GPR89A: variants seen among roughly 807,000 people sequenced by gnomAD.
GPR89A encodes the protein golgi pH regulator A, also known as G protein-coupled receptor 89A.
GPR89A carries 16 observed loss-of-function variants against 52.0 expected under a neutral mutation model. The observed-to-expected ratio is 0.31, with a 90% confidence interval of 0.21 to 0.47. The LOEUF (loss-of-function observed/expected upper bound fraction) is 0.47. GPR89A is among the 20% of genes least tolerant of loss of function. The pLI is 1.00. For synonymous variants in GPR89A, 55 were observed against 150.9 expected, an observed-to-expected ratio of 0.36 and a Z score of 4.66; for missense variants, 135 against 449.4, an observed-to-expected ratio of 0.30 and a Z score of 6.33.
chr1:145,608,052 C>G lies in GPR89A; in HGVS notation c.-82C>G. On this transcript the variant is annotated 5_prime_UTR_variant, in exon 1 of 14. Transcript: ENST00000313835. ...CTGCAGCACCTGGGAGAAGGCAGAC[C>G]GTGTGAGGGGGCCTGTGGCCCCAGC... 1.9e-6 allele frequency: 3 copies of G among 1,549,292 alleles called. No individual in the cohort carries two copies. The highest frequency in any genetic ancestry group is 2.2e-5 in the South Asian group (2 of 89,106).
chr1:145,660,684 C>G (rs1387997456), intron 10 of GPR89A, among the ~76,000 whole-genome samples: 1 of 150,628 alleles, frequency 6.6e-6, no homozygotes, highest in South Asian at 2.1e-4. Context: ...ACTTTTATGC[C>G]GCCAAAAAAC....
chr1:145,655,336 T>C (rs1651742523), intron 10 of GPR89A, among the ~76,000 whole-genome samples: 1 of 151,822 alleles, frequency 6.6e-6, no homozygotes, highest in South Asian at 2.1e-4. Flanking sequence ...CCCAGTTCTG[T>C]GCCCTTGCTG....
rs587679472 is a variant in GPR89A at position 145,634,320 on chromosome 1, A to T, written c.617+2576A>T. 1.4e-4 allele frequency among the ~76,000 whole-genome samples: 21 copies of T among 152,176 alleles called. No individual in the cohort carries two copies. In the East Asian group the frequency reaches 3.9e-3, roughly 28 times the overall value. On this transcript the variant is annotated intron_variant, in intron 7 of 13. Transcript: ENST00000313835. ...GGTCTCAAACTCCTGACCTCAAGTG[A>T]TCTGCCCACCTTGGCCTCCCAAAGT...
In GPR89A at chr1:145,650,766, G is replaced by A. The variant is rs1381566331; in HGVS notation, c.909+3499G>A. ...ACTGAGCTTGAGCTTTTTTTCATACGTTTGTTGGCCACATAAATGTCTTCT... is the reference window on the plus strand; with the variant it reads ...ACTGAGCTTGAGCTTTTTTTCATACATTTGTTGGCCACATAAATGTCTTCT... On this transcript the variant is annotated intron_variant, in intron 10 of 13. Coordinates refer to ENST00000313835, the MANE Select transcript of GPR89A (RefSeq NM_001097612.2). 3.5e-3 allele frequency among the ~76,000 whole-genome samples: 537 copies of A among 151,398 alleles called. 4 individuals carry two copies. Among genetic ancestry groups the A allele is most frequent in the African/African-American group, 0.012 (510 of 41,236 alleles).
intron 12 of GPR89A, among the ~76,000 whole-genome samples, chr1:145,666,576 T>C (rs1422399417): frequency 6.6e-6 from 1 of 152,094 alleles, no homozygotes; most frequent in African/African-American, 2.4e-5. Context: ...AATTATACTT[T>C]AAGTTCTAGG....
intron 1 of GPR89A, among the ~76,000 whole-genome samples, chr1:145,613,377 A>G (rs1477687643): frequency 6.6e-6 from 1 of 151,894 alleles, no homozygotes; most frequent in Non-Finnish European, 1.5e-5. Flanking sequence ...GGGCTTTATC[A>G]TCTTTCATCT....
chr1:145,615,107 G>C (rs1480446080), intron 1 of GPR89A, among the ~76,000 whole-genome samples: 1 of 152,198 alleles, frequency 6.6e-6, no homozygotes, highest in Non-Finnish European at 1.5e-5. Flanking sequence ...AGCTTTATCA[G>C]CTGTCATGTG....
chr1:145,659,344 C>G (rs1473120404), intron 10 of GPR89A, among the ~76,000 whole-genome samples: 4 of 151,764 alleles, frequency 2.6e-5, no homozygotes, highest in Non-Finnish European at 5.9e-5. Flanking sequence ...GCAACCACTC[C>G]CGGCTAACTT....
chr1:145,667,463 G>A (rs1652644545), intron 12 of GPR89A, among the ~76,000 whole-genome samples: 1 of 151,950 alleles, frequency 6.6e-6, no homozygotes, highest in East Asian at 1.9e-4. Flanking sequence ...TGTAAATTCT[G>A]GATATTAGCC....
chr1:145,653,346 T>C (rs1205352195), intron 10 of GPR89A, among the ~76,000 whole-genome samples: 3 of 108,350 alleles, frequency 2.8e-5, no homozygotes, highest in South Asian at 6.0e-4. Context: ...GAGACTGTTA[T>C]AATTTCAGTT....
At chr1:145,627,490 A>G (rs1380380815) in intron 5 of GPR89A, among the ~76,000 whole-genome samples, 2 of 151,990 alleles carry the variant, frequency 1.3e-5, no homozygotes, top group African/African-American at 2.4e-5. Flanking sequence ...TGCAAATTCA[A>G]GAGGTATACG....
intron 10 of GPR89A, among the ~76,000 whole-genome samples, chr1:145,658,736 T>G (rs1237130223): frequency 6.6e-6 from 1 of 151,612 alleles, no homozygotes; most frequent in African/African-American, 2.4e-5. Flanking sequence ...TTTCTACTTT[T>G]GGGCCATTAT....
intron 12 of GPR89A, among the ~76,000 whole-genome samples, chr1:145,667,734 G>T (rs1382029665): frequency 6.6e-6 from 1 of 152,042 alleles, no homozygotes; most frequent in Non-Finnish European, 1.5e-5. Flanking sequence ...AATCCATCTT[G>T]AATTAATTTT....
At chr1:145,617,418 C>T (rs1340191231) in intron 2 of GPR89A, among the ~76,000 whole-genome samples, 1 of 151,770 alleles carries the variant, frequency 6.6e-6, no homozygotes, top group Non-Finnish European at 1.5e-5. Context: ...ACAATTTGTA[C>T]AGTTAACGCA....
At chr1:145,619,403 G>A (rs1227129498) in intron 3 of GPR89A, among the ~76,000 whole-genome samples, 1 of 150,756 alleles carries the variant, frequency 6.6e-6, no homozygotes, top group African/African-American at 2.4e-5. Context: ...TAAGTGCAGG[G>A]GTTCAAGACG....
chr1:145,639,091 T>G (rs1419211311), intron 7 of GPR89A, among the ~76,000 whole-genome samples: 2 of 151,374 alleles, frequency 1.3e-5, no homozygotes, highest in African/African-American at 4.9e-5. Context: ...ACAAAACATG[T>G]ATATAGGACT....
At chr1:145,659,998 G>A (rs1652086748) in intron 10 of GPR89A, among the ~76,000 whole-genome samples, 1 of 151,832 alleles carries the variant, frequency 6.6e-6, no homozygotes, top group Non-Finnish European at 1.5e-5. Context: ...TCCCTTGTAA[G>A]TTGGATTCCT....
In GPR89A at chr1:145,625,991, C is replaced by T. The variant is rs587760356; in HGVS notation, c.415+2277C>T. On this transcript the variant is annotated intron_variant, in intron 5 of 13. Coordinates refer to ENST00000313835, the MANE Select transcript of GPR89A (RefSeq NM_001097612.2). Reference sequence around the variant, plus strand: ...ATCAGTGGATGGAAGAAAATTGAGTCTCTCCAAAGTGGTAGATGAGTTTAC... The same window carrying T: ...ATCAGTGGATGGAAGAAAATTGAGTTTCTCCAAAGTGGTAGATGAGTTTAC... Among the ~76,000 whole-genome samples the T allele has an allele frequency of 6.7e-4, 100 of 150,310 alleles. 1 individual carries two copies. Among genetic ancestry groups the T allele is most frequent in the Middle Eastern group, 3.4e-3 (1 of 292 alleles).
chr1:145,614,280 C>T (rs1184113660), intron 1 of GPR89A, among the ~76,000 whole-genome samples: 1 of 152,134 alleles, frequency 6.6e-6, no homozygotes, highest in African/African-American at 2.4e-5. Context: ...GTCCTAACCC[C>T]TTACAGATTG....
Sources: gnomAD v4.1 joint callset for allele counts (sites outside exome capture counted in the v4.1 genomes callset) on GRCh38, gnomAD v4.1.1 for gene constraint, MANE v1.5 for transcripts, NCBI Gene and HGNC (gene_info 2026-07-23, HGNC 2026-07-21) for gene names.